BAHCC1: variants seen among roughly 807,000 people sequenced by gnomAD.
The protein encoded by BAHCC1 is BAH and coiled-coil domain-containing protein 1.
Under a neutral mutation model 88.2 loss-of-function variants are expected in BAHCC1, and 43 were observed. The observed-to-expected ratio is 0.49, with a 90% CI of 0.38 to 0.63. The LOEUF (loss-of-function observed/expected upper bound fraction) is 0.63. BAHCC1 is among the 20% of genes least tolerant of loss of function. The pLI is 0.00. For synonymous variants in BAHCC1, 1,510 were observed against 745.5 expected (o/e 2.03, Z -16.71); for missense variants, 3,023 against 1,654.8 (o/e 1.83, Z -14.34).
intron 24 of BAHCC1, 42 bp from the exon 25 acceptor site, chr17:81,460,488 C>A: frequency 1.4e-6 from 1 of 728,986 alleles, no homozygotes. Context: ...GCAGTCACCC[C>A]ACAGCCATGG....
In BAHCC1 at chr17:81,442,328, C is replaced by T; in HGVS notation, c.979C>T (p.Pro327Ser). ...SGRCAKEAAGPPEPGPAFSEC... is the reference protein window; with the variant it reads ...SGRCAKEAAGSPEPGPAFSEC... ...GCGCTGTGCAAAGGAGGCAGCAGGCCCCCCGGAGCCCGGGCCGGCCTTCAG... is the reference window on the plus strand; with the variant it reads ...GCGCTGTGCAAAGGAGGCAGCAGGCTCCCCGGAGCCCGGGCCGGCCTTCAG... Residue 327 changes from proline to serine, a missense_variant, in exon 5 of 28, where the codon CCC (proline) becomes TCC (serine). Physicochemically the swap from Pro to Ser is moderately conservative, Grantham distance 74. Transcript: ENST00000675386. 1.5e-6 allele frequency: 1 copy of T among 683,430 alleles called. No homozygotes were observed. The highest frequency in any genetic ancestry group is 2.7e-6 in the Non-Finnish European group (1 of 375,078). 42.3% of individuals were successfully genotyped at this position (683,430 alleles called of 1,614,324 possible). A position where few individuals can be genotyped will look rare whatever the true frequency, so the allele number is the denominator to read the frequency against.
At chr17:81,429,648 G>A (rs1425526157) in intron 3 of BAHCC1, among the ~76,000 whole-genome samples, 3 of 152,178 alleles carry the variant, frequency 2.0e-5, no homozygotes, top group East Asian at 1.9e-4. Context: ...GAGAGTGGGG[G>A]CCAGCAGGCA....
chr17:81,462,064 C>T lies in BAHCC1; in HGVS notation c.7383+18C>T, dbSNP rs782080004. The T allele has an allele frequency of 6.0e-5, 44 of 728,954 alleles. No homozygotes were observed. The highest frequency in any genetic ancestry group is 1.8e-4 in the South Asian group (12 of 67,774). 45.2% of individuals were successfully genotyped at this position (728,954 alleles called of 1,614,324 possible). On this transcript the variant is annotated intron_variant, in intron 26 of 27. Coordinates refer to ENST00000675386, the MANE Select transcript of BAHCC1 (RefSeq NM_001377448.1). ...CCACACAGGTAGGTCCAGCGGGAGG[C>T]GGGAGGAGCTCCTGGTTCCCAAGGA...
intron 2 of BAHCC1, chr17:81,401,494 G>A (rs1489652476): frequency 6.5e-6 from 1 of 152,698 alleles, no homozygotes; most frequent in Non-Finnish European, 1.5e-5. Context: ...TGTCCCTGTG[G>A]TTATCAAGCT....
intron 2 of BAHCC1, among the ~76,000 whole-genome samples, chr17:81,403,762 CAG>C (rs1170708613): frequency 6.6e-6 from 1 of 152,186 alleles, no homozygotes; most frequent in Admixed American, 6.5e-5. Context: ...CCATAAGTGA[CAG>C]AGTTAGACAT....
chr17:81,443,673 C>G (rs1320095737), intron 5 of BAHCC1, 109 bp downstream of exon 5: 27 of 635,618 alleles, frequency 4.2e-5, no homozygotes, highest in Non-Finnish European at 6.6e-5. Context: ...TTGGCAGACC[C>G]TCCGAGGCCC....
chr17:81,445,008 C>T lies in BAHCC1; in HGVS notation c.2672-7C>T, dbSNP rs1555653919. On this transcript the variant is annotated splice_polypyrimidine_tract_variant and splice_region_variant and intron_variant, in intron 8 of 27. Transcript: ENST00000675386. The stretch of plus-strand genomic sequence containing the variant: ...CCAGGCTGACCCCTCCTGGGCCCTG[C>T]CCACAGCGGATGTCATGGACCAGGC... The T allele has an allele frequency of 6.6e-6, 5 of 754,022 alleles. No individual in the cohort carries two copies. The highest frequency in any genetic ancestry group is 1.2e-5 in the Non-Finnish European group (5 of 408,286). The allele number at this position is 754,022 out of a possible 1,614,324, so 46.7% of individuals were successfully genotyped here.
rs184347164 is a variant in BAHCC1 at position 81,456,025 on chromosome 17, C to G, written c.4570-272C>G. The G allele has an allele frequency of 9.6e-5, 48 of 498,130 alleles. No homozygotes were observed. The Admixed American group carries it at 1.2e-3, about 13-fold the overall frequency. The allele number at this position is 498,130 out of a possible 1,614,324, so 30.9% of individuals were successfully genotyped here. On this transcript the variant is annotated intron_variant, in intron 15 of 27. Transcript: ENST00000675386. Reference sequence around the variant, plus strand: ...AAAGCTAACAGCCTGGCCCCACAACCCACAGCCACTGGGCCCTCAGCCTCC... The same window carrying G: ...AAAGCTAACAGCCTGGCCCCACAACGCACAGCCACTGGGCCCTCAGCCTCC...
chr17:81,452,399 T>A (rs1302962169), intron 13 of BAHCC1, among the ~76,000 whole-genome samples: 1 of 99,034 alleles, frequency 1.0e-5, no homozygotes, highest in Non-Finnish European at 2.0e-5. Context: ...GAGGGGACAG[T>A]GGCAGAAGGG....
rs1555658007 is a variant in BAHCC1, at chr17:81,458,342, C to A, written c.5219C>A (p.Pro1740His). The A allele has an allele frequency of 1.4e-6, 1 of 734,888 alleles. No individual in the cohort carries two copies. Among genetic ancestry groups the A allele is most frequent in the Admixed American group, 1.9e-5 (1 of 52,320 alleles). The allele number at this position is 734,888 out of a possible 1,614,324, so 45.5% of individuals were successfully genotyped here. A position where few individuals can be genotyped will look rare whatever the true frequency, so the allele number is the denominator to read the frequency against. ...CTGCGGGCAGAGCCGGGGGCCACCC[C>A]CAGCAGGGACGCCCTCTTCAACCCC... ...GSLRAEPGAT[P>H]SRDALFNPSR... The change falls in exon 18 of 28, where the codon CCC (proline) becomes CAC (histidine). Residue 1740 changes from proline (P) to histidine (H), a missense_variant. Physicochemically the swap from Pro to His is moderately conservative, Grantham distance 77 (BLOSUM62 -2). Transcript: ENST00000675386.
rs782138513 is a variant in BAHCC1 at position 81,447,289 on chromosome 17, G to T, written c.3417G>T (p.Arg1139=). The stretch of plus-strand genomic sequence containing the variant: ...CCGCCACCCCCTACCCTACCGAGCG[G>T]GGACCCCAGGGGAAGGCAGCGGACC... ...DLAATPYPTE[R]GPQGKAADPS... The change falls in exon 11 of 28, where the codon CGG becomes CGT. Residue 1139 remains arginine, a synonymous_variant. Coordinates refer to ENST00000675386, the MANE Select transcript of BAHCC1 (RefSeq NM_001377448.1). The T allele has an allele frequency of 1.4e-6, 1 of 730,840 alleles. No homozygotes were observed. Among genetic ancestry groups the T allele is most frequent in the Non-Finnish European group, 2.5e-6 (1 of 395,762 alleles). 45.3% of individuals were successfully genotyped at this position (730,840 alleles called of 1,614,324 possible). A position where few individuals can be genotyped will look rare whatever the true frequency, so the allele number is the denominator to read the frequency against.
rs1954102576 is a variant in BAHCC1 at position 81,457,321 on chromosome 17, A to G, written c.4859-89A>G. 7 of 676,478 alleles carry G rather than the reference A, an allele frequency of 1.0e-5. No homozygotes were observed. The South Asian group carries it at 1.1e-4, about 11-fold the overall frequency. The allele number at this position is 676,478 out of a possible 1,614,324, so 41.9% of individuals were successfully genotyped here. The stretch of plus-strand genomic sequence containing the variant: ...GACCAGCTCCACTCACAGCCCCGCC[A>G]TAACCGCATGCCCAGAGGGTCACCT... On this transcript the variant is annotated intron_variant, in intron 16 of 27. Coordinates refer to ENST00000675386, the MANE Select transcript of BAHCC1 (RefSeq NM_001377448.1).
In BAHCC1 at chr17:81,411,361, C is replaced by T. The variant is rs1427919707; in HGVS notation, c.178+11444C>T. On this transcript the variant is annotated intron_variant, in intron 2 of 27. Transcript: ENST00000675386. This position sits in a 1 kb window ranked among gnomAD's most constrained non-coding sequence, Gnocchi z 6.2. ...GTGAGGCTGGAGAGACGGGAGGCAC[C>T]GGTGCCCTGTGGGTGGGAGCACTGC... Among the ~76,000 whole-genome samples, 3 of 136,462 alleles carry T rather than the reference C, an allele frequency of 2.2e-5. No homozygotes were observed. The highest frequency in any genetic ancestry group is 2.6e-4 in the East Asian group (1 of 3,824). The allele number at this position is 136,462 out of a possible 152,430, so 89.5% of individuals were successfully genotyped here.
intron 16 of BAHCC1, among the ~76,000 whole-genome samples, chr17:81,456,945 AC>A (rs55929206): frequency 0.76 from 115,562 of 151,554 alleles, 44,431 homozygotes; most frequent in Middle Eastern, 0.8. Context: ...TTATCTGACC[AC>A]CCCCCCCAGC....
In BAHCC1 at chr17:81,435,471, C is replaced by CCT. The variant is rs1218973662; in HGVS notation, c.359-2898_359-2897insTC. ...AGGGCACCAGCAGCCTGTGTCCTGA[C>CCT]CACCTCTCTGGCGGTTCGCTTAGCC... On this transcript the variant is annotated intron_variant, in intron 3 of 27. Coordinates refer to ENST00000675386, the MANE Select transcript of BAHCC1 (RefSeq NM_001377448.1). This position sits in a 1 kb window ranked among gnomAD's most constrained non-coding sequence, Gnocchi z 4.4. The CCT allele has an allele frequency of 2.1e-6, 1 of 470,874 alleles. No homozygotes were observed. Among genetic ancestry groups the CCT allele is most frequent in the African/African-American group, 2.0e-5 (1 of 50,068 alleles). The allele number at this position is 470,874 out of a possible 1,614,324, so 29.2% of individuals were successfully genotyped here.
At chr17:81,400,044 T>A in intron 2 of BAHCC1, 127 bp downstream of exon 2, 2 of 874,198 alleles carry the variant, frequency 2.3e-6, no homozygotes, top group Non-Finnish European at 3.0e-6. Flanking sequence ...GGTGGCTGCC[T>A]GGGCGCTGAG....
chr17:81,412,073 C>T (rs553800250), intron 2 of BAHCC1, among the ~76,000 whole-genome samples: 7 of 152,362 alleles, frequency 4.6e-5, no homozygotes, highest in South Asian at 4.1e-4. Context: ...GCAGGTCCCC[C>T]GTCCCTGGCC....
intron 2 of BAHCC1, chr17:81,422,738 G>T: frequency 4.6e-6 from 2 of 434,312 alleles, no homozygotes; most frequent in South Asian, 3.2e-5. Context: ...CTCAGGCCAG[G>T]ATCCTGGAGA....
intron 2 of BAHCC1, among the ~76,000 whole-genome samples, chr17:81,415,273 A>T (rs1020565844): frequency 6.6e-6 from 1 of 152,126 alleles, no homozygotes; most frequent in Non-Finnish European, 1.5e-5. Flanking sequence ...ACAGCAGGGG[A>T]CAGGTGTGCT....
Sources: gnomAD v4.1 joint callset for allele counts (sites outside exome capture counted in the v4.1 genomes callset) on GRCh38, gnomAD v4.1.1 for gene constraint, Gnocchi (gnomAD v3.1) non-coding constraint, MANE v1.5 for transcripts, NCBI Gene and HGNC (gene_info 2026-07-23, HGNC 2026-07-21) for gene names.